GSTCD: variants seen among roughly 807,000 people sequenced by gnomAD.
GSTCD encodes the protein glutathione S-transferase C-terminal domain-containing protein.
In GSTCD, 44 loss-of-function variants were observed where a neutral mutation model predicts 68.3. The ratio of observed to expected loss-of-function variants is 0.64; its 90% confidence interval spans 0.51 to 0.83. GSTCD has a LOEUF of 0.83. Ranked by LOEUF, GSTCD falls within the 40% of genes least tolerant of loss-of-function variation. The pLI is 0.00. For synonymous variants in GSTCD, 273 were observed against 255.2 expected, an observed-to-expected ratio of 1.07 and a Z score of -0.67; for missense variants, 739 against 735.9, an observed-to-expected ratio of 1.00 and a Z score of -0.05.
chr4:105,817,726 G>A (rs1723070020), intron 5 of GSTCD, among the ~76,000 whole-genome samples: 1 of 151,832 alleles, frequency 6.6e-6, no homozygotes, highest in African/African-American at 2.4e-5. Flanking sequence ...TTTCTCAGGA[G>A]TTTCTTTAGG....
In GSTCD at chr4:105,719,317, A is replaced by G. The variant is rs1385787787; in HGVS notation, c.684A>G (p.Glu228=). Residue 228 remains glutamate, a synonymous_variant, in exon 3 of 12, where the codon GAA becomes GAG. Coordinates refer to ENST00000515279, the MANE Select transcript of GSTCD (RefSeq NM_001370181.1). ...KSKVHTQETS[E]GLDSSSKSLE... is the part of the protein sequence containing the mutation. ...AGGTCCACACACAGGAAACATCTGA[A>G]GGGTTGGATTCTTCATCCAAGAGTC... 6.2e-7 allele frequency: 1 copy of G among 1,614,140 alleles called. No homozygotes were observed. Among genetic ancestry groups the G allele is most frequent in the Admixed American group, 1.7e-5 (1 of 59,992 alleles).
rs140795833 is a variant in GSTCD, at chr4:105,810,139, G to C, written c.1241-12815G>C. On this transcript the variant is annotated intron_variant, in intron 5 of 11. Transcript: ENST00000515279. ...TGTCTTATATTGGCTAATGAAGGGA[G>C]AAAGTTCTAACTTCTCTGTATTGAA... is the stretch of plus-strand genomic sequence containing the variant. Among the ~76,000 whole-genome samples, 644 of 152,150 alleles carry C rather than the reference G, an allele frequency of 4.2e-3. 7 individuals carry two copies. Among genetic ancestry groups the C allele is most frequent in the African/African-American group, 0.015 (606 of 41,542 alleles).
chr4:105,739,068 C>T (rs1733550306), intron 5 of GSTCD, among the ~76,000 whole-genome samples: 1 of 152,158 alleles, frequency 6.6e-6, no homozygotes, highest in Admixed American at 6.5e-5. Context: ...TTATCAACTG[C>T]ATTTTGTGTA....
At chr4:105,844,431 T>C (rs1404264199) in intron 11 of GSTCD, among the ~76,000 whole-genome samples, 2 of 152,210 alleles carry the variant, frequency 1.3e-5, no homozygotes, top group Admixed American at 1.3e-4. Flanking sequence ...ATTTTAAATG[T>C]GAGTCTCTCA....
chr4:105,839,963 C>T (rs1055549773), intron 10 of GSTCD, among the ~76,000 whole-genome samples: 7 of 152,156 alleles, frequency 4.6e-5, no homozygotes, highest in Non-Finnish European at 7.3e-5. Context: ...TCCAACACCC[C>T]CAAAAGCTGC....
chr4:105,724,004 A>C (rs1302704706), intron 3 of GSTCD, among the ~76,000 whole-genome samples: 1 of 151,862 alleles, frequency 6.6e-6, no homozygotes, highest in Non-Finnish European at 1.5e-5. Flanking sequence ...ACTTGTGCTC[A>C]TTTAATCTTA....
intron 5 of GSTCD, among the ~76,000 whole-genome samples, chr4:105,732,994 G>C (rs1279959893): frequency 6.6e-6 from 1 of 152,176 alleles, no homozygotes; most frequent in African/African-American, 2.4e-5. Context: ...ATGTAGTTGA[G>C]CGGTTTTGAA....
chr4:105,709,524 C>T (rs1181786884), intron 1 of GSTCD, among the ~76,000 whole-genome samples: 3 of 152,182 alleles, frequency 2.0e-5, no homozygotes, highest in Admixed American at 2.0e-4. Context: ...TTTGTCATCA[C>T]AGCAGTATCT....
intron 5 of GSTCD, among the ~76,000 whole-genome samples, chr4:105,747,995 A>G (rs1387447175): frequency 6.6e-6 from 1 of 152,082 alleles, no homozygotes; most frequent in African/African-American, 2.4e-5. Flanking sequence ...TGGCTCACTC[A>G]TGTAATCCCA....
At chr4:105,830,804 A>G (rs1229634828) in intron 8 of GSTCD, among the ~76,000 whole-genome samples, 1 of 152,262 alleles carries the variant, frequency 6.6e-6, no homozygotes, top group African/African-American at 2.4e-5. Context: ...AAACCCTGAT[A>G]TCCAGCACAC....
At chr4:105,724,042 A>G (rs1201616918) in intron 3 of GSTCD, among the ~76,000 whole-genome samples, 2 of 151,850 alleles carry the variant, frequency 1.3e-5, no homozygotes, top group Non-Finnish European at 3.0e-5. Context: ...AGTATAATAT[A>G]TATGTATGAA....
chr4:105,827,011 A>G (rs1723661709), intron 8 of GSTCD: 1 of 152,216 alleles, frequency 6.6e-6, no homozygotes, highest in Admixed American at 6.5e-5. Context: ...TCCTTTGCAG[A>G]CACGATCTAC....
At chr4:105,766,167 T>C (rs1396536633) in intron 5 of GSTCD, among the ~76,000 whole-genome samples, 1 of 152,144 alleles carries the variant, frequency 6.6e-6, no homozygotes, top group African/African-American at 2.4e-5. Context: ...TGGTGACTCA[T>C]CCCAGAGAAT....
intron 8 of GSTCD, among the ~76,000 whole-genome samples, chr4:105,834,242 C>T (rs994569036): frequency 6.6e-6 from 1 of 152,258 alleles, no homozygotes; most frequent in Admixed American, 6.5e-5. Flanking sequence ...TTAATTTTTC[C>T]ACACTAAAAT....
rs1381190467 is a variant in GSTCD, at chr4:105,717,845, A to G, written c.232A>G (p.Arg78Gly). 6.2e-7 allele frequency: 1 copy of G among 1,614,006 alleles called. No individual in the cohort carries two copies. The highest frequency in any genetic ancestry group is 8.5e-7 in the Non-Finnish European group (1 of 1,179,982). Residue 78 changes from arginine (R) to glycine (G), a missense_variant, in exon 2 of 12, where the codon AGG becomes GGG. Arg to Gly is a moderately radical substitution (Grantham distance 125). Transcript: ENST00000515279. ...GGATGTTGAAATACAGATTATTTCA[A>G]GGCAGGAGCTCCCACCAATAGTCCA... ...IQDVEIQIIS[R>G]QELPPIVQNC... is the part of the protein sequence containing the mutation.
chr4:105,835,859 G>T (rs999399311), intron 9 of GSTCD, among the ~76,000 whole-genome samples: 14 of 152,148 alleles, frequency 9.2e-5, no homozygotes, highest in Non-Finnish European at 2.1e-4. Flanking sequence ...GAGATAAAGT[G>T]GGTAGCTCCT....
chr4:105,831,924 G>A (rs763766251), intron 8 of GSTCD, among the ~76,000 whole-genome samples: 33 of 152,178 alleles, frequency 2.2e-4, no homozygotes, highest in East Asian at 5.8e-4. Flanking sequence ...TGACAAGAGC[G>A]AAACTGCATC....
intron 5 of GSTCD, among the ~76,000 whole-genome samples, chr4:105,751,832 A>G (rs1310476465): frequency 6.6e-6 from 1 of 152,202 alleles, no homozygotes; most frequent in Non-Finnish European, 1.5e-5. Context: ...GAAACTAAGT[A>G]TCTTATTTTG....
chr4:105,717,349 C>G (rs1018634629), intron 1 of GSTCD, among the ~76,000 whole-genome samples: 1 of 152,130 alleles, frequency 6.6e-6, no homozygotes, highest in Non-Finnish European at 1.5e-5. Flanking sequence ...TTGCAAAGCA[C>G]TGGGGTTTGC....
Sources: gnomAD v4.1 joint callset for allele counts (sites outside exome capture counted in the v4.1 genomes callset) on GRCh38, gnomAD v4.1.1 for gene constraint, MANE v1.5 for transcripts, NCBI Gene and HGNC (gene_info 2026-07-23, HGNC 2026-07-21) for gene names.